MGAT1: variants seen among roughly 807,000 people sequenced by gnomAD.
MGAT1 encodes alpha-1,3-mannosyl-glycoprotein 2-beta-N-acetylglucosaminyltransferase, also known as N-glycosyl-oligosaccharide-glycoprotein N-acetylglucosaminyltransferase I.
Under a neutral mutation model 31.7 loss-of-function variants are expected in MGAT1, and 14 were observed. The ratio of observed to expected loss-of-function variants is 0.44; its 90% confidence interval spans 0.29 to 0.69. The LOEUF (loss-of-function observed/expected upper bound fraction) is 0.69. Among genes scored for constraint, MGAT1 ranks in the 30% least tolerant of loss-of-function variants. The pLI is 0.12. For synonymous variants in MGAT1, 338 were observed against 276.0 expected, an observed-to-expected ratio of 1.22 and a Z score of -2.23; for missense variants, 557 against 626.0, an observed-to-expected ratio of 0.89 and a Z score of 1.18.
intron 1 of MGAT1, among the ~76,000 whole-genome samples, chr5:180,801,915 G>C (rs954317295): frequency 6.6e-6 from 1 of 152,210 alleles, no homozygotes. Context: ...CCCCAGAATT[G>C]GGAAGGACCA....
rs1045954375 is a variant in MGAT1, at chr5:180,788,512, T to C, written c.*3122A>G. 6.6e-6 allele frequency: 1 copy of C among 152,420 alleles called. No homozygotes were observed. Among genetic ancestry groups the C allele is most frequent in the East Asian group, 1.9e-4 (1 of 5,196 alleles). 9.4% of individuals were successfully genotyped at this position (152,420 alleles called of 1,614,324 possible). A position where few individuals can be genotyped will look rare whatever the true frequency, so the allele number is the denominator to read the frequency against. On this transcript the variant is annotated 3_prime_UTR_variant, in exon 2 of 2. Transcript: ENST00000307826. ...CAGTGGCTAACAGCACAGAGTTCAT[T>C]CCAATCCGGCTCTCCCTCAACCATC...
chr5:180,806,766 G>A (rs577046270), upstream of MGAT1, among the ~76,000 whole-genome samples: 1 of 152,340 alleles, frequency 6.6e-6, no homozygotes, highest in South Asian at 2.1e-4. Flanking sequence ...TGGATCACGT[G>A]ATAGAAGCAT....
At chr5:180,804,702 T>C (rs1771599290), upstream of MGAT1, among the ~76,000 whole-genome samples, 1 of 152,170 alleles carries the variant, frequency 6.6e-6, no homozygotes. Flanking sequence ...TGGGAAACAC[T>C]GGTTTGTAGA....
exon 2 of MGAT1, chr5:180,808,652 C>T (rs1300042838): frequency 6.6e-6 from 1 of 152,232 alleles, no homozygotes; most frequent in African/African-American, 2.4e-5. Flanking sequence ...CCTTACCTTT[C>T]TTCTCTTGTC....
Position 180,790,728 on chromosome 5 carries a change from G to A in MGAT1, c.*906C>T, listed in dbSNP as rs1767926390. 1 of 152,682 alleles carries A rather than the reference G, an allele frequency of 6.5e-6. No individual in the cohort carries two copies. Among genetic ancestry groups the A allele is most frequent in the Non-Finnish European group, 1.5e-5 (1 of 68,438 alleles). The allele number at this position is 152,682 out of a possible 1,614,324, so 9.5% of individuals were successfully genotyped here. ...GGAGGCTGGGCAGCACTGGGCCAGA[G>A]GCGTCCTGGTCACTGCTCCACCTGG... On this transcript the variant is annotated 3_prime_UTR_variant, in exon 2 of 2. Transcript: ENST00000307826.
intron 1 of MGAT1, chr5:180,795,503 C>T (rs1005639255): frequency 7.2e-5 from 11 of 152,130 alleles, no homozygotes; most frequent in African/African-American, 2.7e-4. Flanking sequence ...TTAGGTAATA[C>T]ACACTGAAGT....
chr5:180,814,512 C>G (rs1301288015), intron 1 of MGAT1, among the ~76,000 whole-genome samples: 1 of 152,210 alleles, frequency 6.6e-6, no homozygotes, highest in African/African-American at 2.4e-5. Context: ...GCGGAGTTCC[C>G]TAGGGCTCTT....
upstream of MGAT1, among the ~76,000 whole-genome samples, chr5:180,804,422 G>C (rs1771541682): frequency 6.6e-6 from 1 of 152,258 alleles, no homozygotes; most frequent in Admixed American, 6.5e-5. Context: ...GCCCAGACCT[G>C]GAGGTGGAGT....
chr5:180,800,187 G>T (rs1770425276), intron 1 of MGAT1, among the ~76,000 whole-genome samples: 1 of 152,204 alleles, frequency 6.6e-6, no homozygotes, highest in Non-Finnish European at 1.5e-5. Flanking sequence ...GACAAGCAGG[G>T]CAAGTGCCCT....
At chr5:180,798,484 C>T (rs896532555) in intron 1 of MGAT1, among the ~76,000 whole-genome samples, 2 of 152,168 alleles carry the variant, frequency 1.3e-5, no homozygotes, top group African/African-American at 4.8e-5. Flanking sequence ...TTCTCTCAGG[C>T]CCCCTCAGCT....
rs745639734 is a variant in MGAT1 at position 180,792,305 on chromosome 5, G to A, written c.667C>T (p.Arg223Trp). 8.1e-6 allele frequency: 13 copies of A among 1,610,116 alleles called. No homozygotes were observed. The Middle Eastern group carries it at 5.0e-4, about 61-fold the overall frequency. The part of the protein sequence containing the change: ...EVAPDFFEYF[R>W]ATYPLLKADP... ...GCCTTCAGCAGCGGATAGGTGGCCCGAAAGTACTCGAAGAAGTCCGGGGCC... is the reference window on the plus strand; with the variant it reads ...GCCTTCAGCAGCGGATAGGTGGCCCAAAAGTACTCGAAGAAGTCCGGGGCC... The change falls in exon 2 of 2, where the codon CGG (arginine) becomes TGG (tryptophan). Residue 223 changes from arginine (R) to tryptophan (W), a missense_variant. This residue lies in a region of MGAT1 where 245 missense variants were observed against 332.9 expected (regional missense o/e 0.74). Transcript: ENST00000307826.
In MGAT1 at chr5:180,791,927, G is replaced by T; in HGVS notation, c.1045C>A (p.Leu349Met). ...VHFTQLDLSY[L>M]QREAYDRDFL... is the part of the protein sequence containing the mutation. ...TCTCGGTCATAGGCCTCCCGCTGCA[G>T]GTAAGACAGGTCCAGCTGGGTGAAG... The change falls in exon 2 of 2, where the codon CTG (leucine) becomes ATG (methionine). Residue 349 changes from leucine to methionine, a missense_variant. Transcript: ENST00000307826. The T allele has an allele frequency of 6.2e-7, 1 of 1,614,202 alleles. No individual in the cohort carries two copies. Among genetic ancestry groups the T allele is most frequent in the East Asian group, 2.2e-5 (1 of 44,884 alleles).
chr5:180,792,723 C>T lies in MGAT1; in HGVS notation c.249G>A (p.Arg83=). ...QQIGDALSSQ[R]GRVPTAAPPA... is the part of the protein sequence containing the mutation. ...GAGGGGCCGCGGTGGGCACCCTCCC[C>T]CGCTGGCTCGACAGGGCATCCCCGA... Residue 83 remains arginine (R), a synonymous_variant, in exon 2 of 2, where the codon CGG becomes CGA. Transcript: ENST00000307826. 1 of 1,547,248 alleles carries T rather than the reference C, an allele frequency of 6.5e-7. No homozygotes were observed. The highest frequency in any genetic ancestry group is 8.7e-7 in the Non-Finnish European group (1 of 1,147,556).
intron 1 of MGAT1, among the ~76,000 whole-genome samples, chr5:180,796,395 A>G (rs971439746): frequency 1.3e-5 from 2 of 152,156 alleles, no homozygotes; most frequent in African/African-American, 4.8e-5. Flanking sequence ...AAATTCTATT[A>G]TATCAGGGCT....
chr5:180,805,102 G>A (rs112158664), upstream of MGAT1, among the ~76,000 whole-genome samples: 87 of 152,264 alleles, frequency 5.7e-4, no homozygotes, highest in African/African-American at 2.0e-3. Context: ...TCTTGATAGA[G>A]GTTACATGGG....
At chr5:180,797,748 C>T (rs1291450021) in intron 1 of MGAT1, among the ~76,000 whole-genome samples, 4 of 117,750 alleles carry the variant, frequency 3.4e-5, no homozygotes, top group African/African-American at 1.3e-4. Flanking sequence ...CTTAATCAAT[C>T]CCTGGGCCCT....
intron 1 of MGAT1, among the ~76,000 whole-genome samples, chr5:180,800,908 C>T (rs1770629252): frequency 6.6e-6 from 1 of 152,218 alleles, no homozygotes; most frequent in African/African-American, 2.4e-5. Flanking sequence ...GCATGCAAGG[C>T]ACAGACTCAA....
upstream of MGAT1, among the ~76,000 whole-genome samples, chr5:180,806,332 G>A (rs1041745040): frequency 5.9e-5 from 9 of 152,202 alleles, no homozygotes; most frequent in Admixed American, 3.3e-4. Context: ...ACTGCTCCTG[G>A]CTAAGTAGCC....
In MGAT1 at chr5:180,787,982, G is replaced by A. The variant is rs76441131; in HGVS notation, c.*3652C>T. ...GAGTGAGCAGGAACCCACAGTGAGA[G>A]CAGGAGTGGCAGGAGGTGGTCACAG... is the stretch of plus-strand genomic sequence containing the variant. On this transcript the variant is annotated 3_prime_UTR_variant, in exon 2 of 2. Transcript: ENST00000307826. 0.016 allele frequency: 2,484 copies of A among 154,106 alleles called. 36 individuals are homozygous for A. The highest frequency in any genetic ancestry group is 0.021 in the Non-Finnish European group (1,447 of 69,400). The allele number at this position is 154,106 out of a possible 1,614,324, so 9.5% of individuals were successfully genotyped here.
Sources: allele counts gnomAD v4.1 joint callset (sites outside exome capture counted in the v4.1 genomes callset), GRCh38; gene constraint gnomAD v4.1.1; regional missense constraint gnomAD v4.1.1; transcripts MANE v1.5; gene names NCBI Gene and HGNC (gene_info 2026-07-23, HGNC 2026-07-21).